GPR157: variants seen among roughly 807,000 people sequenced by gnomAD.
GPR157 encodes G protein-coupled receptor 157, also known as G-protein coupled receptor 157.
Under a neutral mutation model 23.5 loss-of-function variants are expected in GPR157, and 16 were observed. The ratio of observed to expected loss-of-function variants is 0.68; its 90% confidence interval spans 0.46 to 1.04. The LOEUF is 1.04. Among genes scored for constraint, GPR157 ranks in the 50% least tolerant of loss-of-function variants. GPR157 has a pLI of 0.00. For synonymous variants in GPR157, 200 were observed against 221.5 expected (o/e 0.90, Z 0.86); for missense variants, 440 against 460.7 (o/e 0.96, Z 0.41).
chr1:9,104,178 C>A lies in GPR157; in HGVS notation c.*241G>T. ...CGGCTTCCCGAATCTCACTGCTACCCTTATGCAGATGAACGCCCACCCGTG... is the reference window on the plus strand; with the variant it reads ...CGGCTTCCCGAATCTCACTGCTACCATTATGCAGATGAACGCCCACCCGTG... On this transcript the variant is annotated 3_prime_UTR_variant, in exon 4 of 4. Transcript: ENST00000377411. The A allele has an allele frequency of 1.9e-6, 1 of 537,668 alleles. No individual in the cohort carries two copies. The highest frequency in any genetic ancestry group is 3.4e-6 in the Non-Finnish European group (1 of 297,496). 33.3% of individuals were successfully genotyped at this position (537,668 alleles called of 1,614,324 possible).
intron 1 of GPR157, among the ~76,000 whole-genome samples, chr1:9,125,006 C>T (rs956004610): frequency 2.0e-5 from 3 of 152,168 alleles, no homozygotes; most frequent in Admixed American, 6.6e-5. Flanking sequence ...GCACCGCGGG[C>T]GACCCCCCTG....
chr1:9,111,333 C>T lies in GPR157; in HGVS notation c.540G>A (p.Leu180=). Residue 180 remains leucine (L), a synonymous_variant, in exon 2 of 4, where the codon CTG becomes CTA. Coordinates refer to ENST00000377411, the MANE Select transcript of GPR157 (RefSeq NM_024980.5). Reference sequence around the variant, plus strand: ...ACAGCAGAGGCAGCAGCACATATGCCAGCATCTCCCACAGCTTCCCCGTCA... The same window carrying T: ...ACAGCAGAGGCAGCAGCACATATGCTAGCATCTCCCACAGCTTCCCCGTCA... ...MLLTGKLWEM[L]AYVLLPLLYL... 1 of 1,614,224 alleles carries T rather than the reference C, an allele frequency of 6.2e-7. No homozygotes were observed. The highest frequency in any genetic ancestry group is 8.5e-7 in the Non-Finnish European group (1 of 1,180,036).
intron 1 of GPR157, among the ~76,000 whole-genome samples, chr1:9,111,719 C>T (rs1459613018): frequency 1.3e-5 from 2 of 152,208 alleles, no homozygotes; most frequent in Admixed American, 1.3e-4. Context: ...GGACAGCCAG[C>T]TCCCAGCGTG....
rs550637310 is a variant in GPR157, at chr1:9,108,871, C to T, written c.597+2405G>A. On this transcript the variant is annotated intron_variant, in intron 2 of 3. Coordinates refer to ENST00000377411, the MANE Select transcript of GPR157 (RefSeq NM_024980.5). ...CGCGATCTCAGCTCACTGCAAGCTC[C>T]GCCTCCCGGGTTCACACCATTCTCC... 7.2e-5 allele frequency among the ~76,000 whole-genome samples: 11 copies of T among 151,996 alleles called. No individual in the cohort carries two copies. The South Asian group carries it at 1.9e-3, about 26-fold the overall frequency.
At position 9,128,185 on chromosome 1, in the gene GPR157, G is replaced by A. The variant is rs1639005124; in HGVS notation, c.383+460C>T. ...GAGACACGGCAGCTCGGGAGTGGCG[G>A]AGTGCACCAAGCTCACTGTGGCTTG... is the stretch of plus-strand genomic sequence containing the variant. On this transcript the variant is annotated intron_variant, in intron 1 of 3. Coordinates refer to ENST00000377411, the MANE Select transcript of GPR157 (RefSeq NM_024980.5). The surrounding 1 kb of genome is among the most constrained non-coding windows in gnomAD (Gnocchi z 6.3). The A allele has an allele frequency of 2.3e-6, 1 of 441,974 alleles. No homozygotes were observed. The highest frequency in any genetic ancestry group is 2.0e-5 in the African/African-American group (1 of 50,302). The allele number at this position is 441,974 out of a possible 1,614,324, so 27.4% of individuals were successfully genotyped here. A position where few individuals can be genotyped will look rare whatever the true frequency, so the allele number is the denominator to read the frequency against.
chr1:9,125,632 T>C (rs1282630451), intron 1 of GPR157, among the ~76,000 whole-genome samples: 2 of 152,160 alleles, frequency 1.3e-5, no homozygotes, highest in African/African-American at 4.8e-5. Flanking sequence ...TTGAATCATA[T>C]CATTTAAAAA....
Position 9,116,285 on chromosome 1 carries a change from TA to T in GPR157, c.384-4797del, listed in dbSNP as rs1160446397. 7.1e-4 allele frequency among the ~76,000 whole-genome samples: 10 copies of T among 14,034 alleles called. 1 individual carries two copies. Among genetic ancestry groups the T allele is most frequent in the African/African-American group, 4.2e-3 (6 of 1,418 alleles). The allele number at this position is 14,034 out of a possible 152,430, so 9.2% of individuals were successfully genotyped here. On this transcript the variant is annotated intron_variant, in intron 1 of 3. Transcript: ENST00000377411. ...ATATATAATATAATTATATATAAATTATATATAAATTATATATATTATATTA... is the reference window on the plus strand; with the variant it reads ...ATATATAATATAATTATATATAAATTTATATAAATTATATATATTATATTA...
intron 1 of GPR157, among the ~76,000 whole-genome samples, chr1:9,115,527 G>T (rs1638616823): frequency 6.6e-6 from 1 of 151,812 alleles, no homozygotes; most frequent in African/African-American, 2.4e-5. Flanking sequence ...ACATATGTTG[G>T]TTGCTCATGT....
chr1:9,108,511 G>C (rs1009399201), intron 2 of GPR157, among the ~76,000 whole-genome samples: 1 of 152,166 alleles, frequency 6.6e-6, no homozygotes, highest in South Asian at 2.1e-4. Flanking sequence ...AGGGCCTGGC[G>C]GAGTGCCTGG....
At position 9,116,607 on chromosome 1, in the gene GPR157, G is replaced by C. The variant is rs1557698333; in HGVS notation, c.384-5118C>G. On this transcript the variant is annotated intron_variant, in intron 1 of 3. Transcript: ENST00000377411. ...AATACAAAAAAATTATCTGGGCATAGTGGCACGTGCCTGTAATCCCAGCTA... is the reference window on the plus strand; with the variant it reads ...AATACAAAAAAATTATCTGGGCATACTGGCACGTGCCTGTAATCCCAGCTA... Among the ~76,000 whole-genome samples the C allele has an allele frequency of 3.3e-5, 5 of 150,412 alleles. No individual in the cohort carries two copies. The South Asian group carries it at 1.0e-3, about 32-fold the overall frequency.
At position 9,128,482 on chromosome 1, in the gene GPR157, C is replaced by G. The variant is rs1186298043; in HGVS notation, c.383+163G>C. ...GGGAGGGAGCGAATCTCGGGCAAGG[C>G]TGGCCTCCTCCCGCTGGCCCAGGAC... On this transcript the variant is annotated intron_variant, in intron 1 of 3. Transcript: ENST00000377411. The surrounding 1 kb of genome is among the most constrained non-coding windows in gnomAD (Gnocchi z 6.3). 2 of 713,950 alleles carry G rather than the reference C, an allele frequency of 2.8e-6. No individual in the cohort carries two copies. 44.2% of individuals were successfully genotyped at this position (713,950 alleles called of 1,614,324 possible). A position where few individuals can be genotyped will look rare whatever the true frequency, so the allele number is the denominator to read the frequency against.
At chr1:9,104,991 C>A (rs562596155) in intron 3 of GPR157, among the ~76,000 whole-genome samples, 10 of 143,168 alleles carry the variant, frequency 7.0e-5, no homozygotes, top group Non-Finnish European at 1.4e-4. Context: ...CAAAGCCAGA[C>A]TCTGTCCCCG....
intron 1 of GPR157, among the ~76,000 whole-genome samples, chr1:9,126,202 C>T (rs1164464013): frequency 6.6e-6 from 1 of 152,196 alleles, no homozygotes; most frequent in Non-Finnish European, 1.5e-5. Context: ...AAGTGATCCG[C>T]CCACCTTGGC....
Position 9,105,467 on chromosome 1 carries a change from C to A in GPR157, c.792+19G>T. The A allele has an allele frequency of 6.5e-7, 1 of 1,532,518 alleles. No individual in the cohort carries two copies. The highest frequency in any genetic ancestry group is 1.2e-5 in the South Asian group (1 of 81,286). 94.9% of individuals were successfully genotyped at this position (1,532,518 alleles called of 1,614,324 possible). A position where few individuals can be genotyped will look rare whatever the true frequency, so the allele number is the denominator to read the frequency against. ...CCTCTGGGGGCAGGGACGACAAGGG[C>A]CAGGGAGGGCAGACCTACATGCAGA... On this transcript the variant is annotated intron_variant, in intron 3 of 3. Transcript: ENST00000377411. This position sits in a 1 kb window ranked among gnomAD's most constrained non-coding sequence, Gnocchi z 4.8.
intron 2 of GPR157, among the ~76,000 whole-genome samples, chr1:9,107,081 G>A (rs552448013): frequency 6.6e-6 from 1 of 152,134 alleles, no homozygotes; most frequent in African/African-American, 2.4e-5. Flanking sequence ...CTCACCCTCA[G>A]TCCCACGATG....
At chr1:9,123,105 GAGAGATCGCACCATTGTACCCC>G (rs1397398734) in intron 1 of GPR157, among the ~76,000 whole-genome samples, 1 of 147,396 alleles carries the variant, frequency 6.8e-6, no homozygotes, top group Non-Finnish European at 1.5e-5. Context: ...GCAGTGAGCC[GAGAGATCGCACCATTGTACCCC>G]AGCCTGGGCA....
In GPR157 at chr1:9,100,782, G is replaced by T. The variant is rs1418903983; in HGVS notation, c.*3637C>A. Reference sequence around the variant, plus strand: ...GTGTCCAAGGAGCACAGCCCCTTTTGCCCTGATCAGATGTAACAGCCCCTC... The same window carrying T: ...GTGTCCAAGGAGCACAGCCCCTTTTTCCCTGATCAGATGTAACAGCCCCTC... On this transcript the variant is annotated 3_prime_UTR_variant, in exon 4 of 4. Coordinates refer to ENST00000377411, the MANE Select transcript of GPR157 (RefSeq NM_024980.5). The T allele has an allele frequency of 6.6e-6, 1 of 151,970 alleles. No homozygotes were observed. Among genetic ancestry groups the T allele is most frequent in the East Asian group, 1.9e-4 (1 of 5,166 alleles). The allele number at this position is 151,970 out of a possible 1,614,324, so 9.4% of individuals were successfully genotyped here.
At chr1:9,111,066 C>T (rs541895433) in intron 2 of GPR157, 96 of 617,804 alleles carry the variant, frequency 1.6e-4, no homozygotes, top group Non-Finnish European at 2.5e-4. Flanking sequence ...CGGCTCCTAA[C>T]GGGGCAGTGG....
At chr1:9,123,322 TA>T (rs1638860380) in intron 1 of GPR157, among the ~76,000 whole-genome samples, 3 of 24,028 alleles carry the variant, frequency 1.2e-4, no homozygotes, top group Non-Finnish European at 2.7e-4. Context: ...TATATTAAAA[TA>T]TATATATTTA....
Sources: gnomAD v4.1 joint callset for allele counts (sites outside exome capture counted in the v4.1 genomes callset) on GRCh38, gnomAD v4.1.1 for gene constraint, Gnocchi (gnomAD v3.1) non-coding constraint, MANE v1.5 for transcripts, NCBI Gene and HGNC (gene_info 2026-07-23, HGNC 2026-07-21) for gene names.